The following POFUT2 variants were observed in gnomAD, a reference collection of about 807,000 sequenced individuals.
POFUT2 encodes the protein GDP-fucose protein O-fucosyltransferase 2.
In POFUT2, 30 loss-of-function variants were observed where a neutral mutation model predicts 55.0. The ratio of observed to expected loss-of-function variants is 0.55; its 90% CI spans 0.41 to 0.74. POFUT2 has a LOEUF of 0.74. POFUT2 is among the 30% of genes least tolerant of loss of function. POFUT2 has a pLI of 0.00. For synonymous variants in POFUT2, 267 were observed against 231.1 expected (o/e 1.16, Z -1.41); for missense variants, 524 against 562.6 (o/e 0.93, Z 0.69).
rs765369694 is a variant in POFUT2, at chr21:45,282,379, G to A, written c.608C>T (p.Ala203Val). ...LSVQGSASIVAPLLLRNTSAR... is the reference protein window; with the variant it reads ...LSVQGSASIVVPLLLRNTSAR... ...TGATGTGTTTCTCAGCAGCAGGGGC[G>A]CCACGATGGAGGCTGAGCCCTGGAC... Residue 203 changes from alanine (A) to valine (V), a missense_variant, in exon 4 of 9, where the codon GCG becomes GTG. Coordinates refer to ENST00000349485, the MANE Select transcript of POFUT2 (RefSeq NM_133635.6). This position sits in a 1 kb window ranked among gnomAD's most constrained non-coding sequence, Gnocchi z 4.6. The A allele has an allele frequency of 5.6e-6, 9 of 1,612,984 alleles. No individual in the cohort carries two copies. Among genetic ancestry groups the A allele is most frequent in the South Asian group, 2.2e-5 (2 of 91,082 alleles).
chr21:45,264,253 G>GTT lies in POFUT2; in HGVS notation c.*1227_*1228dup, dbSNP rs1406564833. On this transcript the variant is annotated 3_prime_UTR_variant, in exon 9 of 9. Transcript: ENST00000349485. ...CTCTGTCACAGGTGTCCATGTCACTGTTCCTCTAGCAGATGTGGAAAGTGG... is the reference window on the plus strand; with the variant it reads ...CTCTGTCACAGGTGTCCATGTCACTGTTTTCCTCTAGCAGATGTGGAAAGTGG... 2.0e-5 allele frequency: 3 copies of GTT among 152,286 alleles called. No homozygotes were observed. The highest frequency in any genetic ancestry group is 7.2e-5 in the African/African-American group (3 of 41,448). The allele number at this position is 152,286 out of a possible 1,614,324, so 9.4% of individuals were successfully genotyped here.
rs925406065 is a variant in POFUT2 at position 45,267,846 on chromosome 21, C to T, written c.1013-133G>A. On this transcript the variant is annotated intron_variant, in intron 7 of 8. Transcript: ENST00000349485. The surrounding 1 kb of genome is among the most constrained non-coding windows in gnomAD (Gnocchi z 4.4). The stretch of plus-strand genomic sequence containing the variant: ...GGAACTGGCTCCAAAGGTGCAGACA[C>T]ACAACTCAGCTTTACCCTCCCAGGA... 1 of 745,600 alleles carries T rather than the reference C, an allele frequency of 1.3e-6. No homozygotes were observed. The highest frequency in any genetic ancestry group is 2.3e-6 in the Non-Finnish European group (1 of 437,190). The allele number at this position is 745,600 out of a possible 1,614,324, so 46.2% of individuals were successfully genotyped here. A position where few individuals can be genotyped will look rare whatever the true frequency, so the allele number is the denominator to read the frequency against.
Position 45,267,233 on chromosome 21 carries a change from C to T in POFUT2, c.1136+357G>A. On this transcript the variant is annotated intron_variant, in intron 8 of 8. Coordinates refer to ENST00000349485, the MANE Select transcript of POFUT2 (RefSeq NM_133635.6). This position sits in a 1 kb window ranked among gnomAD's most constrained non-coding sequence, Gnocchi z 4.4. ...ATGCTCAACAACACAGCAACAAGGA[C>T]ATGCCCAAGTCCAGGGCACGGGCAA... 1.4e-6 allele frequency: 2 copies of T among 1,422,918 alleles called. No individual in the cohort carries two copies. The highest frequency in any genetic ancestry group is 1.8e-6 in the Non-Finnish European group (2 of 1,093,266). 88.1% of individuals were successfully genotyped at this position (1,422,918 alleles called of 1,614,324 possible).
Position 45,267,202 on chromosome 21 carries a change from T to G in POFUT2, c.1136+388A>C, listed in dbSNP as rs1282194922. On this transcript the variant is annotated intron_variant, in intron 8 of 8. Coordinates refer to ENST00000349485, the MANE Select transcript of POFUT2 (RefSeq NM_133635.6). The surrounding 1 kb of genome is among the most constrained non-coding windows in gnomAD (Gnocchi z 4.4). Reference sequence around the variant, plus strand: ...CCCACGCTCCCGGCCTCGGGGACGCTCACGGATGCTCAACAACACAGCAAC... The same window carrying G: ...CCCACGCTCCCGGCCTCGGGGACGCGCACGGATGCTCAACAACACAGCAAC... 3 of 1,381,622 alleles carry G rather than the reference T, an allele frequency of 2.2e-6. No homozygotes were observed. Among genetic ancestry groups the G allele is most frequent in the Non-Finnish European group, 2.8e-6 (3 of 1,067,848 alleles). 85.6% of individuals were successfully genotyped at this position (1,381,622 alleles called of 1,614,324 possible). A position where few individuals can be genotyped will look rare whatever the true frequency, so the allele number is the denominator to read the frequency against.
intron 1 of POFUT2, 99 bp downstream of exon 1, chr21:45,287,642 C>A: frequency 9.3e-7 from 1 of 1,076,250 alleles, no homozygotes; most frequent in Non-Finnish European, 1.2e-6. Flanking sequence ...CTGACCCCAT[C>A]CCATCTCCCT....
intron 7 of POFUT2, among the ~76,000 whole-genome samples, chr21:45,268,651 G>A (rs1412109811): frequency 2.0e-5 from 3 of 151,758 alleles, no homozygotes; most frequent in African/African-American, 7.3e-5. Context: ...TCTGGGATGT[G>A]AGGAGCGCCT....
At chr21:45,269,268 C>G (rs1313422083) in intron 7 of POFUT2, among the ~76,000 whole-genome samples, 2 of 149,350 alleles carry the variant, frequency 1.3e-5, no homozygotes, top group South Asian at 4.3e-4. Context: ...TGCCCGGCCA[C>G]CACCCCGTCT....
chr21:45,276,953 G>C, intron 6 of POFUT2, 64 bp downstream of exon 6: 1 of 1,563,070 alleles, frequency 6.4e-7, no homozygotes, highest in Non-Finnish European at 8.8e-7. Flanking sequence ...TGGAAGGCCT[G>C]AGTGTGGGGC....
rs368833727 is a variant in POFUT2, at chr21:45,270,630, A to AC, written c.832-612dup. Among the ~76,000 whole-genome samples, 23 of 151,152 alleles carry AC rather than the reference A, an allele frequency of 1.5e-4. No individual in the cohort carries two copies. The highest frequency in any genetic ancestry group is 3.4e-4 in the African/African-American group (14 of 41,096). Reference sequence around the variant, plus strand: ...GCACTCAACAAAACTACAACCAAGGACCCCCCCAGAGTCCACTTCACTCCC... The same window carrying AC: ...GCACTCAACAAAACTACAACCAAGGACCCCCCCCAGAGTCCACTTCACTCCC... On this transcript the variant is annotated intron_variant, in intron 6 of 8. Transcript: ENST00000349485. The surrounding 1 kb of genome is among the most constrained non-coding windows in gnomAD (Gnocchi z 4.6).
rs549342878 is a variant in POFUT2, at chr21:45,285,840, G to A, written c.220C>T (p.Leu74=). The A allele has an allele frequency of 6.2e-7, 1 of 1,613,468 alleles. No homozygotes were observed. Among genetic ancestry groups the A allele is most frequent in the East Asian group, 2.2e-5 (1 of 44,886 alleles). The change falls in exon 2 of 9, where the codon CTG becomes TTG. Residue 74 remains leucine (L), a synonymous_variant. Transcript: ENST00000349485. This position sits in a 1 kb window ranked among gnomAD's most constrained non-coding sequence, Gnocchi z 4.9. ...ACAAGCACCCACTCCTCCGTCTTCA[G>A]CAGAGTCTTCAGGAGAGAGGCGATT... is the stretch of plus-strand genomic sequence containing the variant. The part of the protein sequence containing the change: ...IRIASLLKTL[L]KTEEWVLVLP...
rs201195530 is a variant in POFUT2, at chr21:45,282,936, T to A, written c.527+447A>T. The A allele has an allele frequency of 1.3e-4, 60 of 473,036 alleles. No homozygotes were observed. The highest frequency in any genetic ancestry group is 6.5e-4 in the Middle Eastern group (2 of 3,078). 29.3% of individuals were successfully genotyped at this position (473,036 alleles called of 1,614,324 possible). ...ACACTTGGGACTGACAAGACCTCCA[T>A]CCCTGTGGCAACATCCAAATGCATG... On this transcript the variant is annotated intron_variant, in intron 3 of 8. Transcript: ENST00000349485. This position sits in a 1 kb window ranked among gnomAD's most constrained non-coding sequence, Gnocchi z 4.6.
Position 45,283,481 on chromosome 21 carries a change from G to A in POFUT2, c.429C>T (p.Tyr143=), listed in dbSNP as rs748293160. Residue 143 remains tyrosine (Y), a synonymous_variant, in exon 3 of 9, where the codon TAC becomes TAT. Transcript: ENST00000349485. ...FIDQVYVLQS[Y]AEGWKEGTWE... is the part of the protein sequence containing the mutation. ...AGGTCCCTTCTTTCCACCCCTCTGC[G>A]TAACTTTGCAGGACGTAAACCTGGT... The A allele has an allele frequency of 8.1e-6, 13 of 1,613,726 alleles. No homozygotes were observed. The highest frequency in any genetic ancestry group is 4.4e-5 in the South Asian group (4 of 91,088).
At position 45,285,690 on chromosome 21, in the gene POFUT2, G is replaced by A. The variant is rs1444073883; in HGVS notation, c.370C>T (p.Gln124Ter). ...NKNIPVIEYE[Q>*]FIAESGGPFI... Reference sequence around the variant, plus strand: ...CGCTCGGCCTCACCTGCGATGAACTGCTCATACTCGATGACGGGGATGTTT... The same window carrying A: ...CGCTCGGCCTCACCTGCGATGAACTACTCATACTCGATGACGGGGATGTTT... Residue 124 changes from glutamine to a stop codon, truncating the protein, a stop_gained, in exon 2 of 9, where the codon CAG (glutamine) becomes TAG (stop). Coordinates refer to ENST00000349485, the MANE Select transcript of POFUT2 (RefSeq NM_133635.6). LOFTEE classifies it high-confidence loss of function. This position sits in a 1 kb window ranked among gnomAD's most constrained non-coding sequence, Gnocchi z 4.9. 1 of 1,613,732 alleles carries A rather than the reference G, an allele frequency of 6.2e-7. No individual in the cohort carries two copies. The highest frequency in any genetic ancestry group is 1.7e-5 in the Admixed American group (1 of 60,016).
intron 6 of POFUT2, among the ~76,000 whole-genome samples, chr21:45,271,096 T>C (rs1602169751): frequency 6.6e-6 from 1 of 151,694 alleles, no homozygotes; most frequent in Admixed American, 6.6e-5. Flanking sequence ...ATTAAGCTAC[T>C]CAAGGACATA....
Position 45,265,158 on chromosome 21 carries a change from C to T in POFUT2, c.*324G>A, listed in dbSNP as rs1336614295. On this transcript the variant is annotated 3_prime_UTR_variant, in exon 9 of 9. Coordinates refer to ENST00000349485, the MANE Select transcript of POFUT2 (RefSeq NM_133635.6). This position sits in a 1 kb window ranked among gnomAD's most constrained non-coding sequence, Gnocchi z 4.6. ...AAGACATGAAAGGTGGCTGGAAAGGCCAGAGCGGGAGCCTGACAAACACTC... is the reference window on the plus strand; with the variant it reads ...AAGACATGAAAGGTGGCTGGAAAGGTCAGAGCGGGAGCCTGACAAACACTC... 8.2e-6 allele frequency: 2 copies of T among 245,312 alleles called. No individual in the cohort carries two copies. The highest frequency in any genetic ancestry group is 1.6e-5 in the Non-Finnish European group (2 of 128,228). The allele number at this position is 245,312 out of a possible 1,614,324, so 15.2% of individuals were successfully genotyped here.
chr21:45,265,464 G>C lies in POFUT2; in HGVS notation c.*18C>G. 6.3e-7 allele frequency: 1 copy of C among 1,593,090 alleles called. No individual in the cohort carries two copies. Among genetic ancestry groups the C allele is most frequent in the East Asian group, 2.2e-5 (1 of 44,582 alleles). On this transcript the variant is annotated 3_prime_UTR_variant, in exon 9 of 9. Coordinates refer to ENST00000349485, the MANE Select transcript of POFUT2 (RefSeq NM_133635.6). This position sits in a 1 kb window ranked among gnomAD's most constrained non-coding sequence, Gnocchi z 4.6. The stretch of plus-strand genomic sequence containing the variant: ...CCCGCGCCTGTCGGGTCCGGGGAGC[G>C]GCCCTGGAGGATCCTCCTCAGTAGG...
Position 45,267,667 on chromosome 21 carries a change from T to C in POFUT2, c.1059A>G (p.Glu353=). ...KKLLPEMVRF[E]PTWEELELYK... ...AGAGCTCCAGCTCCTCCCACGTGGG[T>C]TCAAACCTCACCATCTCGGGTAACA... Residue 353 remains glutamate, a synonymous_variant, in exon 8 of 9, where the codon GAA becomes GAG. Coordinates refer to ENST00000349485, the MANE Select transcript of POFUT2 (RefSeq NM_133635.6). This position sits in a 1 kb window ranked among gnomAD's most constrained non-coding sequence, Gnocchi z 4.4. 1 of 1,614,118 alleles carries C rather than the reference T, an allele frequency of 6.2e-7. No homozygotes were observed. The highest frequency in any genetic ancestry group is 8.5e-7 in the Non-Finnish European group (1 of 1,180,024).
At position 45,282,277 on chromosome 21, in the gene POFUT2, G is replaced by T; in HGVS notation, c.638+72C>A. 1.0e-6 allele frequency: 1 copy of T among 987,048 alleles called. No individual in the cohort carries two copies. The highest frequency in any genetic ancestry group is 1.6e-6 in the Non-Finnish European group (1 of 627,554). The allele number at this position is 987,048 out of a possible 1,614,324, so 61.1% of individuals were successfully genotyped here. ...AGGGATGCGGGAGTATGGGCGGAGA[G>T]CCCCCAGCCCAGCATGCACGGAGCA... On this transcript the variant is annotated intron_variant, in intron 4 of 8. Coordinates refer to ENST00000349485, the MANE Select transcript of POFUT2 (RefSeq NM_133635.6). This position sits in a 1 kb window ranked among gnomAD's most constrained non-coding sequence, Gnocchi z 4.6.
At chr21:45,271,332 C>G (rs1052378043) in intron 6 of POFUT2, among the ~76,000 whole-genome samples, 4 of 152,008 alleles carry the variant, frequency 2.6e-5, no homozygotes, top group African/African-American at 9.7e-5. Flanking sequence ...TTCAAATTAG[C>G]CCAATCCAAC....
Sources: gnomAD v4.1 joint callset for allele counts (sites outside exome capture counted in the v4.1 genomes callset) on GRCh38, gnomAD v4.1.1 for gene constraint, Gnocchi (gnomAD v3.1) non-coding constraint, MANE v1.5 for transcripts, NCBI Gene and HGNC (gene_info 2026-07-23, HGNC 2026-07-21) for gene names.